Variants in NME8 observed in about 807,000 individuals in gnomAD.
NME8 encodes the protein NME/NM23 family member 8.
A neutral mutation model predicts 82.3 loss-of-function variants in NME8; 72 were observed. That is an observed-to-expected ratio of 0.87 (90% confidence interval 0.72 to 1.06). The LOEUF is 1.06. Ranked by LOEUF, NME8 falls within the 50% of genes least tolerant of loss-of-function variation. The pLI, the probability that NME8 is intolerant of heterozygous loss-of-function variation, is 0.00. For missense variants in NME8, 712 were observed against 685.4 expected (o/e 1.04, Z -0.43); for synonymous variants, 267 against 228.5 (o/e 1.17, Z -1.52).
intron 17 of NME8, among the ~76,000 whole-genome samples, chr7:37,899,686 A>T (rs766717678): frequency 3.3e-5 from 5 of 152,172 alleles, no homozygotes; most frequent in Non-Finnish European, 7.4e-5. Context: ...CTTAAAATAA[A>T]GTTGAAGAAA....
chr7:37,895,446 C>A (rs982913476), intron 16 of NME8, among the ~76,000 whole-genome samples: 1 of 152,160 alleles, frequency 6.6e-6, no homozygotes, highest in Non-Finnish European at 1.5e-5. Context: ...AGGACCAGGG[C>A]TAGAAGTTGT....
Position 37,857,619 on chromosome 7 carries a change from A to G in NME8, c.270+274A>G, listed in dbSNP as rs1368170252. ...TAAGGAAATGATCGGAGATTTGCAC[A>G]ATAAATTTTTTACAGGAGTAAAACC... On this transcript the variant is annotated intron_variant, in intron 6 of 17. Transcript: ENST00000199447. Among the ~76,000 whole-genome samples, 4 of 152,362 alleles carry G rather than the reference A, an allele frequency of 2.6e-5. No individual in the cohort carries two copies. In the East Asian group the frequency reaches 7.7e-4, roughly 29 times the overall value.
intron 6 of NME8, among the ~76,000 whole-genome samples, chr7:37,859,383 T>C (rs868158839): frequency 1.3e-5 from 2 of 152,304 alleles, no homozygotes; most frequent in South Asian, 4.1e-4. Context: ...TTCCACTCTA[T>C]GACATCTGGA....
intron 8 of NME8, 50 bp downstream of exon 8, chr7:37,863,512 G>C (rs113613552): frequency 1.4e-5 from 14 of 997,356 alleles, no homozygotes; most frequent in African/African-American, 1.3e-4. Context: ...TACGTGGGCG[G>C]TCATCACAGC....
intron 11 of NME8, among the ~76,000 whole-genome samples, chr7:37,870,143 AGG>A (rs1457564465): frequency 6.6e-6 from 1 of 151,960 alleles, no homozygotes; most frequent in Middle Eastern, 3.2e-3. Flanking sequence ...GGTCTATAAC[AGG>A]GGTGTCCAAT....
intron 15 of NME8, 116 bp downstream of exon 15, chr7:37,888,544 T>C (rs1466254567): frequency 1.2e-6 from 1 of 867,040 alleles, no homozygotes; most frequent in African/African-American, 1.7e-5. Context: ...AAAAGAAAAG[T>C]TGCGATGAGT....
At chr7:37,864,755 C>T (rs1784651181) in intron 9 of NME8, among the ~76,000 whole-genome samples, 1 of 152,164 alleles carries the variant, frequency 6.6e-6, no homozygotes, top group Admixed American at 6.5e-5. Flanking sequence ...ATTGGACTTA[C>T]AGTTCCACAT....
At chr7:37,886,439 C>CTA (rs1554366184) in intron 14 of NME8, among the ~76,000 whole-genome samples, 12 of 152,182 alleles carry the variant, frequency 7.9e-5, no homozygotes, top group Non-Finnish European at 7.3e-5. Context: ...CCCCACTTTT[C>CTA]CACTTTCCTT....
intron 14 of NME8, among the ~76,000 whole-genome samples, chr7:37,885,810 G>A (rs942438460): frequency 6.6e-6 from 1 of 152,168 alleles, no homozygotes; most frequent in Non-Finnish European, 1.5e-5. Flanking sequence ...CTGCAGGATA[G>A]AAATAGTATC....
intron 7 of NME8, among the ~76,000 whole-genome samples, chr7:37,863,162 C>A (rs768100161): frequency 2.6e-5 from 4 of 152,008 alleles, no homozygotes; most frequent in Non-Finnish European, 4.4e-5. Flanking sequence ...GGTTTGCTAC[C>A]CTTTTCATAC....
At chr7:37,863,119 CA>C (rs1200638732) in intron 7 of NME8, among the ~76,000 whole-genome samples, 2 of 151,530 alleles carry the variant, frequency 1.3e-5, no homozygotes, top group African/African-American at 2.4e-5. Flanking sequence ...GACTCCTACT[CA>C]AAAAAAATTT....
rs1299164912 is a variant in NME8 at position 37,864,406 on chromosome 7, A to G, written c.513A>G (p.Leu171=). 3 of 1,578,370 alleles carry G rather than the reference A, an allele frequency of 1.9e-6. No individual in the cohort carries two copies. The highest frequency in any genetic ancestry group is 2.6e-6 in the Non-Finnish European group (3 of 1,151,818). The change falls in exon 9 of 18, where the codon CTA becomes CTG. Residue 171 remains leucine (L), a synonymous_variant. Coordinates refer to ENST00000199447, the MANE Select transcript of NME8 (RefSeq NM_016616.5). The part of the protein sequence containing the change: ...KPDAVISKKV[L]EIKRKITKAG... ...ATGCTGTGATTAGTAAAAAAGTTCT[A>G]GAAATTAAAAGAAAAGTAAGTAATA...
At chr7:37,880,752 G>A (rs139878409) in intron 12 of NME8, among the ~76,000 whole-genome samples, 5 of 152,210 alleles carry the variant, frequency 3.3e-5, no homozygotes, top group African/African-American at 7.2e-5. Flanking sequence ...TTCATATTAA[G>A]TCTTGTTATC....
rs758769017 is a variant in NME8 at position 37,863,450 on chromosome 7, T to C, written c.442T>C (p.Cys148Arg). Reference protein sequence around the residue: ...SDSEVSEESPCESVQELYSIA... With the variant: ...SDSEVSEESPRESVQELYSIA... ...TTCAGAAGTTAGTGAAGAATCACCA[T>C]GTGAAAGTGTTCGTAAGTAAATTTA... is the stretch of plus-strand genomic sequence containing the variant. The change falls in exon 8 of 18, where the codon TGT becomes CGT. Residue 148 changes from cysteine (C) to arginine (R), a missense_variant. Cys to Arg is a radical substitution (Grantham distance 180). Coordinates refer to ENST00000199447, the MANE Select transcript of NME8 (RefSeq NM_016616.5). 1.0e-5 allele frequency: 16 copies of C among 1,594,628 alleles called. No individual in the cohort carries two copies. The highest frequency in any genetic ancestry group is 2.7e-5 in the African/African-American group (2 of 74,598).
intron 11 of NME8, among the ~76,000 whole-genome samples, chr7:37,873,359 C>CAAAA (rs10647118): frequency 0.23 from 24,400 of 104,428 alleles, 3,003 homozygotes; most frequent in East Asian, 0.36. Flanking sequence ...GACTCTGTCT[C>CAAAA]AAAAAAAAAA....
intron 12 of NME8, among the ~76,000 whole-genome samples, chr7:37,879,347 A>T (rs933935520): frequency 6.6e-6 from 1 of 151,976 alleles, no homozygotes; most frequent in African/African-American, 2.4e-5. Context: ...GGGTTTCCCC[A>T]TGTTGGCCAG....
At chr7:37,863,979 G>A (rs569358750) in intron 8 of NME8, among the ~76,000 whole-genome samples, 2 of 152,260 alleles carry the variant, frequency 1.3e-5, no homozygotes, top group South Asian at 2.1e-4. Flanking sequence ...TGAATCTGTC[G>A]GTGATGTTTA....
intron 11 of NME8, among the ~76,000 whole-genome samples, chr7:37,870,648 G>A (rs577117535): frequency 2.6e-5 from 4 of 151,866 alleles, no homozygotes; most frequent in Non-Finnish European, 5.9e-5. Flanking sequence ...AAGCCTTCCT[G>A]GGCCTCATGC....
At chr7:37,885,354 T>A in intron 14 of NME8, 102 bp downstream of exon 14, 1 of 795,788 alleles carries the variant, frequency 1.3e-6, no homozygotes, top group Non-Finnish European at 2.2e-6. Context: ...CCAAGGGAGC[T>A]TCTCAGGAAA....
Sources: gnomAD v4.1 joint callset for allele counts (sites outside exome capture counted in the v4.1 genomes callset) on GRCh38, gnomAD v4.1.1 for gene constraint, MANE v1.5 for transcripts, NCBI Gene and HGNC (gene_info 2026-07-23, HGNC 2026-07-21) for gene names.